The following BBOF1 variants were observed in gnomAD, a reference collection of about 807,000 sequenced individuals.
BBOF1 encodes basal body-orientation factor 1.
BBOF1 carries 62 observed loss-of-function variants against 68.0 expected under a neutral mutation model. The observed-to-expected ratio is 0.91, with a 90% CI of 0.74 to 1.13. The LOEUF is 1.13. Ranked by LOEUF, BBOF1 falls within the 50% of genes most tolerant of loss-of-function variation. The pLI, the probability that BBOF1 is intolerant of heterozygous loss-of-function variation, is 0.00. For synonymous variants in BBOF1, 208 were observed against 198.8 expected (o/e 1.05, Z -0.39); for missense variants, 534 against 600.1 (o/e 0.89, Z 1.15).
intron 5 of BBOF1, among the ~76,000 whole-genome samples, chr14:74,044,616 C>T (rs942644171): frequency 1.3e-5 from 2 of 151,930 alleles, no homozygotes; most frequent in Non-Finnish European, 2.9e-5. Context: ...GTGCACACCA[C>T]CATGCCGAAT....
At chr14:74,030,095 A>C (rs1380368945) in intron 3 of BBOF1, among the ~76,000 whole-genome samples, 1 of 152,220 alleles carries the variant, frequency 6.6e-6, no homozygotes, top group African/African-American at 2.4e-5. Context: ...GTAAGGATCT[A>C]TGATAAAATT....
chr14:74,055,541 C>T (rs759216435), intron 8 of BBOF1, 43 bp from the exon 9 acceptor site: 14 of 1,276,040 alleles, frequency 1.1e-5, no homozygotes, highest in East Asian at 6.9e-5. Flanking sequence ...CCTATTTGAC[C>T]GTATTTTTCC....
rs776400462 is a variant in BBOF1, at chr14:74,040,589, G to A, written c.520G>A (p.Glu174Lys). The change falls in exon 5 of 12, where the codon GAG (glutamate) becomes AAG (lysine). Residue 174 changes from glutamate (E) to lysine (K), a missense_variant. Coordinates refer to ENST00000394009, the MANE Select transcript of BBOF1 (RefSeq NM_025057.3). ...GCTGAAAGAGAATTTAAGAAACACA[G>A]AGCGGATACATCAGGAGACTCTTAG... ...DDLKENLRNTERIHQETLRRL... is the reference protein window; with the variant it reads ...DDLKENLRNTKRIHQETLRRL... 13 of 1,592,898 alleles carry A rather than the reference G, an allele frequency of 8.2e-6. No individual in the cohort carries two copies. Among genetic ancestry groups the A allele is most frequent in the African/African-American group, 1.3e-5 (1 of 74,140 alleles).
chr14:74,065,332 A>C lies in BBOF1; in HGVS notation c.*633A>C. ...CAGAACCACAAGAACTGGACCAAAA[A>C]TCTCCTCTTTGTAACAGGTCATATT... On this transcript the variant is annotated 3_prime_UTR_variant, in exon 12 of 12. Transcript: ENST00000394009. The C allele has an allele frequency of 6.2e-7, 1 of 1,613,994 alleles. No individual in the cohort carries two copies. Among genetic ancestry groups the C allele is most frequent in the Non-Finnish European group, 8.5e-7 (1 of 1,179,988 alleles).
intron 8 of BBOF1, among the ~76,000 whole-genome samples, chr14:74,053,375 T>C (rs1413489103): frequency 6.6e-6 from 1 of 151,594 alleles, no homozygotes; most frequent in African/African-American, 2.4e-5. Context: ...CCTCCCAAAG[T>C]GCTGGGATTA....
At chr14:74,019,953 G>A (rs761092195) in intron 1 of BBOF1, among the ~76,000 whole-genome samples, 25 of 152,162 alleles carry the variant, frequency 1.6e-4, no homozygotes, top group Non-Finnish European at 3.1e-4. Context: ...GGACACGTTG[G>A]AGTCATACGT....
rs1361445738 is a variant in BBOF1, at chr14:74,035,651, T to C, written c.495+1480T>C. 3.5e-5 allele frequency among the ~76,000 whole-genome samples: 5 copies of C among 141,880 alleles called. No homozygotes were observed. In the Admixed American group the frequency reaches 3.7e-4, roughly 11 times the overall value. 93.1% of individuals were successfully genotyped at this position (141,880 alleles called of 152,430 possible). On this transcript the variant is annotated intron_variant, in intron 4 of 11. Transcript: ENST00000394009. ...TTTTACCATGCTGGTCAGGCTGGTC[T>C]GGAACTCCTGACCTCAAGTGATCTG...
intron 6 of BBOF1, among the ~76,000 whole-genome samples, chr14:74,047,594 C>T (rs142467477): frequency 2.6e-5 from 4 of 152,018 alleles, no homozygotes; most frequent in East Asian, 1.9e-4. Flanking sequence ...CAAACCACCA[C>T]GTCTGGCTAA....
At chr14:74,073,160 G>A (rs1200138422) in intron 9 of BBOF1, among the ~76,000 whole-genome samples, 2 of 152,004 alleles carry the variant, frequency 1.3e-5, no homozygotes, top group African/African-American at 4.8e-5. Flanking sequence ...AGGCTGGAGT[G>A]TAGTGTGATC....
intron 11 of BBOF1, 74 bp downstream of exon 11, chr14:74,057,332 G>C: frequency 1.2e-6 from 2 of 1,600,544 alleles, no homozygotes; most frequent in Non-Finnish European, 8.5e-7. Context: ...GCTAAATCAC[G>C]GTTATTTTCT....
chr14:74,021,536 C>T (rs932733039), intron 1 of BBOF1, among the ~76,000 whole-genome samples: 18 of 151,172 alleles, frequency 1.2e-4, no homozygotes, highest in African/African-American at 3.4e-4. Context: ...CTGCAGTGAG[C>T]TGTGATGGTG....
intron 11 of BBOF1, chr14:74,058,436 T>C (rs1299546089): frequency 6.9e-6 from 1 of 144,404 alleles, no homozygotes; most frequent in Non-Finnish European, 1.5e-5. Flanking sequence ...TTGCCTCATA[T>C]TTAGGAAAGC....
At chr14:74,048,879 T>TAG (rs1207669023) in intron 7 of BBOF1, among the ~76,000 whole-genome samples, 2 of 151,910 alleles carry the variant, frequency 1.3e-5, no homozygotes, top group Non-Finnish European at 2.9e-5. Context: ...TATATAGTTA[T>TAG]AGAGAGAGAG....
intron 9 of BBOF1, chr14:74,071,308 A>G: frequency 6.2e-7 from 1 of 1,614,186 alleles, no homozygotes; most frequent in African/African-American, 1.3e-5. Context: ...TTTCATTAGG[A>G]AGGTATTTCC....
intron 9 of BBOF1, among the ~76,000 whole-genome samples, chr14:74,076,820 G>T (rs948080073): frequency 1.3e-5 from 2 of 152,142 alleles, no homozygotes; most frequent in African/African-American, 2.4e-5. Context: ...AGAGTGCTGG[G>T]ATTACAGGTG....
chr14:74,052,953 CTGCAGTGAGCCAT>C (rs2060101309), intron 8 of BBOF1, among the ~76,000 whole-genome samples: 1 of 145,586 alleles, frequency 6.9e-6, no homozygotes, highest in Non-Finnish European at 1.5e-5. Context: ...TGAGCCATGG[CTGCAGTGAGCCAT>C]GGCTGCAGTG....
chr14:74,074,593 G>T (rs1297798649), intron 9 of BBOF1, among the ~76,000 whole-genome samples: 1 of 152,092 alleles, frequency 6.6e-6, no homozygotes, highest in Non-Finnish European at 1.5e-5. Context: ...ACCAAAAAAT[G>T]GTGACCTACT....
intron 11 of BBOF1, chr14:74,057,880 T>C: frequency 9.8e-7 from 1 of 1,024,624 alleles, no homozygotes; most frequent in Non-Finnish European, 1.2e-6. Context: ...AATTAGAGCA[T>C]CACAGTTCTG....
chr14:74,074,521 G>A (rs1174578895), intron 9 of BBOF1, among the ~76,000 whole-genome samples: 1 of 145,162 alleles, frequency 6.9e-6, no homozygotes, highest in Non-Finnish European at 1.5e-5. Flanking sequence ...TCTTGACCTC[G>A]TGATCCACCT....
Sources: allele counts gnomAD v4.1 joint callset (sites outside exome capture counted in the v4.1 genomes callset), GRCh38; gene constraint gnomAD v4.1.1; transcripts MANE v1.5; gene names NCBI Gene and HGNC (gene_info 2026-07-23, HGNC 2026-07-21).